FNTB: variants seen among roughly 807,000 people sequenced by gnomAD.
The protein encoded by FNTB is protein farnesyltransferase subunit beta.
In FNTB, 27 loss-of-function variants were observed where a neutral mutation model predicts 59.4. The ratio of observed to expected loss-of-function variants is 0.45; its 90% CI spans 0.34 to 0.63. FNTB has a LOEUF of 0.63. Among genes scored for constraint, FNTB ranks in the 20% least tolerant of loss-of-function variants. The probability of loss-of-function intolerance (pLI) is 0.02; values close to 1 mark genes in which losing one functional copy is unlikely to be tolerated. For synonymous variants in FNTB, 230 were observed against 220.7 expected, an observed-to-expected ratio of 1.04 and a Z score of -0.37; for missense variants, 449 against 559.6, an observed-to-expected ratio of 0.80 and a Z score of 1.99.
Position 65,044,222 on chromosome 14 carries a change from C to G in FNTB, c.823-89C>G, listed in dbSNP as rs1595082167. On this transcript the variant is annotated intron_variant, in intron 8 of 11. Transcript: ENST00000246166. This position sits in a 1 kb window ranked among gnomAD's most constrained non-coding sequence, Gnocchi z 5.5. ...AGAAGCCACAAGATGGGAAACCCTCCATCCCACAGATTGACTCCTGGAGAT... is the reference window on the plus strand; with the variant it reads ...AGAAGCCACAAGATGGGAAACCCTCGATCCCACAGATTGACTCCTGGAGAT... 1.3e-6 allele frequency: 2 copies of G among 1,594,692 alleles called. No homozygotes were observed. The highest frequency in any genetic ancestry group is 4.5e-5 in the East Asian group (2 of 44,534).
chr14:65,011,274 C>A lies in FNTB; in HGVS notation c.210-1043C>A, dbSNP rs1399251168. ...GAAACCCCCGTCTCCACTAAAAATA[C>A]AAAAATTAGCTGGGTGTGGTGGCAC... On this transcript the variant is annotated intron_variant, in intron 2 of 11. Transcript: ENST00000246166. The surrounding 1 kb of genome is among the most constrained non-coding windows in gnomAD (Gnocchi z 4.0). Among the ~76,000 whole-genome samples, 1 of 151,950 alleles carries A rather than the reference C, an allele frequency of 6.6e-6. No homozygotes were observed. The highest frequency in any genetic ancestry group is 2.4e-5 in the African/African-American group (1 of 41,388).
chr14:65,061,113 G>A, intron 11 of FNTB, 68 bp from the exon 12 acceptor site: 1 of 1,586,576 alleles, frequency 6.3e-7, no homozygotes, highest in Non-Finnish European at 8.6e-7. Context: ...CTTTCATGGA[G>A]CAAAGGATGT....
Position 65,031,540 on chromosome 14 carries a change from A to G in FNTB, c.606-1070A>G, listed in dbSNP as rs897619588. On this transcript the variant is annotated intron_variant, in intron 6 of 11. Coordinates refer to ENST00000246166, the MANE Select transcript of FNTB (RefSeq NM_002028.4). The surrounding 1 kb of genome is among the most constrained non-coding windows in gnomAD (Gnocchi z 4.6). ...GCAATATTGGTCAGGTTGGTCTTGAACTCCTGGCCTCGTGATCCACCTGCC... is the reference window on the plus strand; with the variant it reads ...GCAATATTGGTCAGGTTGGTCTTGAGCTCCTGGCCTCGTGATCCACCTGCC... Among the ~76,000 whole-genome samples, 13 of 149,440 alleles carry G rather than the reference A, an allele frequency of 8.7e-5. No individual in the cohort carries two copies. The highest frequency in any genetic ancestry group is 3.2e-4 in the African/African-American group (13 of 40,790).
chr14:65,004,925 A>G lies in FNTB; in HGVS notation c.209+612A>G, dbSNP rs564620835. 2.6e-5 allele frequency among the ~76,000 whole-genome samples: 4 copies of G among 152,256 alleles called. No individual in the cohort carries two copies. In the East Asian group the frequency reaches 7.7e-4, roughly 29 times the overall value. The stretch of plus-strand genomic sequence containing the variant: ...TGATCCACCCGCCTCAGCCTCCCAA[A>G]GTGCTGGGATTACAGGCGTGAGCCA... On this transcript the variant is annotated intron_variant, in intron 2 of 11. Transcript: ENST00000246166.
intron 7 of FNTB, among the ~76,000 whole-genome samples, chr14:65,036,629 T>A (rs1821910557): frequency 6.6e-6 from 1 of 152,214 alleles, no homozygotes; most frequent in Non-Finnish European, 1.5e-5. Flanking sequence ...CTTAATTCTC[T>A]GTATGTTTTT....
chr14:65,055,704 A>G (rs2139682294), intron 11 of FNTB, among the ~76,000 whole-genome samples: 1 of 152,078 alleles, frequency 6.6e-6, no homozygotes. Flanking sequence ...TTTAGTAGAG[A>G]CAGGGTTTCC....
At chr14:65,020,733 C>CTTTT (rs71123901) in intron 4 of FNTB, among the ~76,000 whole-genome samples, 3 of 123,332 alleles carry the variant, frequency 2.4e-5, no homozygotes, top group Non-Finnish European at 3.3e-5. Flanking sequence ...CGCGCCCGGC[C>CTTTT]TTTTTTTTTT....
Position 65,051,576 on chromosome 14 carries a change from C to A in FNTB, c.956-1662C>A, listed in dbSNP as rs945141278. 1.5e-4 allele frequency among the ~76,000 whole-genome samples: 23 copies of A among 151,700 alleles called. No individual in the cohort carries two copies. The East Asian group carries it at 2.1e-3, about 14-fold the overall frequency. The stretch of plus-strand genomic sequence containing the variant: ...CAGTGAGCCGAGATCGTGCCATTGC[C>A]CTCCAACCTGGGCAACAGAGTGAGA... On this transcript the variant is annotated intron_variant, in intron 9 of 11. Coordinates refer to ENST00000246166, the MANE Select transcript of FNTB (RefSeq NM_002028.4).
intron 9 of FNTB, among the ~76,000 whole-genome samples, chr14:65,050,462 G>T (rs2062581650): frequency 6.6e-6 from 1 of 152,114 alleles, no homozygotes; most frequent in Non-Finnish European, 1.5e-5. Flanking sequence ...GTGGGGGCTT[G>T]TACCTGTAAT....
At position 65,023,261 on chromosome 14, in the gene FNTB, G is replaced by A. The variant is rs2061920632; in HGVS notation, c.375-4192G>A. ...TCTTGTAGAGATGGGGTTTTGCCAT[G>A]TTGCCCAGGCTGGCCTTGAACTCCT... On this transcript the variant is annotated intron_variant, in intron 4 of 11. Transcript: ENST00000246166. This position sits in a 1 kb window ranked among gnomAD's most constrained non-coding sequence, Gnocchi z 4.1. Among the ~76,000 whole-genome samples, 1 of 152,132 alleles carries A rather than the reference G, an allele frequency of 6.6e-6. No individual in the cohort carries two copies. The highest frequency in any genetic ancestry group is 2.4e-5 in the African/African-American group (1 of 41,408).
chr14:64,987,148 C>G (rs747665462), intron 1 of FNTB, 51 bp downstream of exon 1: 3 of 1,605,488 alleles, frequency 1.9e-6, no homozygotes, highest in Non-Finnish European at 1.7e-6. Context: ...TCTGGGAGCG[C>G]GAGTCCCGTT....
In FNTB at chr14:65,011,416, G is replaced by A. The variant is rs547344903; in HGVS notation, c.210-901G>A. 1.5e-5 allele frequency among the ~76,000 whole-genome samples: 2 copies of A among 137,452 alleles called. No individual in the cohort carries two copies. Among genetic ancestry groups the A allele is most frequent in the African/African-American group, 2.8e-5 (1 of 35,418 alleles). 90.2% of individuals were successfully genotyped at this position (137,452 alleles called of 152,430 possible). A position where few individuals can be genotyped will look rare whatever the true frequency, so the allele number is the denominator to read the frequency against. ...TGCACTCCAGCCTGGGTGACAGAGC[G>A]AGACTCCGTCTCAGGAAAAAAAAAA... is the stretch of plus-strand genomic sequence containing the variant. On this transcript the variant is annotated intron_variant, in intron 2 of 11. Transcript: ENST00000246166. This position sits in a 1 kb window ranked among gnomAD's most constrained non-coding sequence, Gnocchi z 4.0.
At chr14:65,046,239 G>A (rs1004463949) in intron 9 of FNTB, among the ~76,000 whole-genome samples, 11 of 152,216 alleles carry the variant, frequency 7.2e-5, no homozygotes, top group Non-Finnish European at 1.5e-4. Context: ...GCCTCCCAAA[G>A]TGCTGGGATT....
At chr14:65,018,940 G>A (rs995790848) in intron 4 of FNTB, among the ~76,000 whole-genome samples, 5 of 151,912 alleles carry the variant, frequency 3.3e-5, no homozygotes, top group African/African-American at 9.7e-5. Flanking sequence ...GAGAAACCCC[G>A]TCTCTACTAA....
intron 1 of FNTB, among the ~76,000 whole-genome samples, chr14:65,002,643 CG>C (rs1434095612): frequency 9.9e-5 from 15 of 151,940 alleles, no homozygotes. Context: ...AAAGAAAGAC[CG>C]GGGTTGCAGC....
In FNTB at chr14:65,023,225, A is replaced by T. The variant is rs1444133031; in HGVS notation, c.375-4228A>T. ...AGGTGGGTGCCAACGTGCCTGGTTA[A>T]TTTTTATAATTCTTGTAGAGATGGG... On this transcript the variant is annotated intron_variant, in intron 4 of 11. Coordinates refer to ENST00000246166, the MANE Select transcript of FNTB (RefSeq NM_002028.4). This position sits in a 1 kb window ranked among gnomAD's most constrained non-coding sequence, Gnocchi z 4.1. 6.6e-6 allele frequency among the ~76,000 whole-genome samples: 1 copy of T among 152,032 alleles called. No individual in the cohort carries two copies. Among genetic ancestry groups the T allele is most frequent in the Non-Finnish European group, 1.5e-5 (1 of 68,014 alleles).
At position 64,990,711 on chromosome 14, in the gene FNTB, C is replaced by A. The variant is rs767215147; in HGVS notation, c.144+3614C>A. 1.3e-5 allele frequency among the ~76,000 whole-genome samples: 2 copies of A among 152,200 alleles called. No individual in the cohort carries two copies. Among genetic ancestry groups the A allele is most frequent in the African/African-American group, 2.4e-5 (1 of 41,432 alleles). ...CAGAGAGTTTTGAGCAGGGGAGTGA[C>A]ACAGTCTGACTAGCATTTTAACAGG... On this transcript the variant is annotated intron_variant, in intron 1 of 11. Coordinates refer to ENST00000246166, the MANE Select transcript of FNTB (RefSeq NM_002028.4). The surrounding 1 kb of genome is among the most constrained non-coding windows in gnomAD (Gnocchi z 5.2).
chr14:65,040,054 G>A (rs2062310037), intron 7 of FNTB, among the ~76,000 whole-genome samples: 2 of 152,184 alleles, frequency 1.3e-5, no homozygotes, highest in Admixed American at 1.3e-4. Flanking sequence ...TCCGGGTATG[G>A]TGGGGCACGC....
intron 1 of FNTB, among the ~76,000 whole-genome samples, chr14:64,995,131 C>T (rs1888345140): frequency 6.6e-6 from 1 of 152,162 alleles, no homozygotes; most frequent in African/African-American, 2.4e-5. Context: ...TGGACCTAGA[C>T]AGGGTCAGGA....
Sources: gnomAD v4.1 joint callset for allele counts (sites outside exome capture counted in the v4.1 genomes callset) on GRCh38, gnomAD v4.1.1 for gene constraint, Gnocchi (gnomAD v3.1) non-coding constraint, MANE v1.5 for transcripts, NCBI Gene and HGNC (gene_info 2026-07-23, HGNC 2026-07-21) for gene names.